The following GLP1R variants were observed in gnomAD, a reference collection of about 807,000 sequenced individuals.
GLP1R encodes the protein glucagon-like peptide 1 receptor.
GLP1R carries 32 observed loss-of-function variants against 68.4 expected under a neutral mutation model. The observed-to-expected ratio is 0.47, with a 90% confidence interval of 0.35 to 0.63. The LOEUF is 0.63. Ranked by LOEUF, GLP1R falls within the 20% of genes least tolerant of loss-of-function variation. GLP1R has a pLI of 0.00. For synonymous variants in GLP1R, 263 were observed against 244.4 expected, an observed-to-expected ratio of 1.08 and a Z score of -0.71; for missense variants, 502 against 594.9, an observed-to-expected ratio of 0.84 and a Z score of 1.62.
rs199745579 is a variant in GLP1R, at chr6:39,072,946, C to T, written c.594C>T (p.Asp198=). ...GAGCATTGTCCGTCTTCATCAAGGACGCAGCCCTGAAGTGGATGTATAGCA... is the reference window on the plus strand; with the variant it reads ...GAGCATTGTCCGTCTTCATCAAGGATGCAGCCCTGAAGTGGATGTATAGCA... ...ILRALSVFIK[D]AALKWMYSTA... The change falls in exon 6 of 13, where the codon GAC becomes GAT. Residue 198 remains aspartate, a synonymous_variant. Transcript: ENST00000373256. 3.0e-5 allele frequency: 48 copies of T among 1,613,924 alleles called. No homozygotes were observed. Among genetic ancestry groups the T allele is most frequent in the African/African-American group, 2.3e-4 (17 of 74,934 alleles).
chr6:39,082,992 T>C lies in GLP1R; in HGVS notation c.1224+2253T>C, dbSNP rs550541916. Among the ~76,000 whole-genome samples the C allele has an allele frequency of 5.3e-5, 8 of 152,154 alleles. No homozygotes were observed. The South Asian group carries it at 1.2e-3, about 24-fold the overall frequency. On this transcript the variant is annotated intron_variant, in intron 12 of 12. Coordinates refer to ENST00000373256, the MANE Select transcript of GLP1R (RefSeq NM_002062.5). Reference sequence around the variant, plus strand: ...GGCTCAGCTGCCTCTCCAGATTCCATCCTTCCAAGCCTAGTCATCTCATCA... The same window carrying C: ...GGCTCAGCTGCCTCTCCAGATTCCACCCTTCCAAGCCTAGTCATCTCATCA...
intron 4 of GLP1R, 64 bp downstream of exon 4, chr6:39,065,893 G>A (rs1209649431): frequency 1.1e-5 from 11 of 981,968 alleles, no homozygotes; most frequent in Non-Finnish European, 1.8e-5. Context: ...CTTCACTGGA[G>A]CAAAGACCCT....
intron 12 of GLP1R, among the ~76,000 whole-genome samples, chr6:39,082,221 C>T (rs1174204925): frequency 6.6e-6 from 1 of 152,166 alleles, no homozygotes; most frequent in African/African-American, 2.4e-5. Flanking sequence ...GGGAGGGAAA[C>T]CAAGGTCTCT....
chr6:39,061,395 T>TC (rs1009290647), intron 3 of GLP1R, among the ~76,000 whole-genome samples: 32 of 152,334 alleles, frequency 2.1e-4, no homozygotes, highest in African/African-American at 7.7e-4. Flanking sequence ...CTACACCTCC[T>TC]CCTGATCCCT....
chr6:39,078,321 G>A lies in GLP1R; in HGVS notation c.824-1G>A. ...CCCTTCTGTCTTTCCCTCTCTCTTAGGTGTTCCCCTGCTGTTTGTTGTCCC... is the reference window on the plus strand; with the variant it reads ...CCCTTCTGTCTTTCCCTCTCTCTTAAGTGTTCCCCTGCTGTTTGTTGTCCC... On this transcript the variant is annotated splice_acceptor_variant, in intron 7 of 12. Coordinates refer to ENST00000373256, the MANE Select transcript of GLP1R (RefSeq NM_002062.5). LOFTEE classifies it high-confidence loss of function. 6.2e-7 allele frequency: 1 copy of A among 1,610,170 alleles called. No homozygotes were observed. The highest frequency in any genetic ancestry group is 8.5e-7 in the Non-Finnish European group (1 of 1,176,452).
intron 1 of GLP1R, among the ~76,000 whole-genome samples, chr6:39,050,300 C>T (rs975289261): frequency 6.6e-6 from 1 of 152,162 alleles, no homozygotes; most frequent in African/African-American, 2.4e-5. Flanking sequence ...CCTCCTCTTA[C>T]GGACTGGGTT....
At chr6:39,056,315 G>A (rs1768211967) in intron 1 of GLP1R, 82 bp from the exon 2 acceptor site, 2 of 696,668 alleles carry the variant, frequency 2.9e-6, no homozygotes, top group East Asian at 2.6e-5. Flanking sequence ...TGGAGATTGA[G>A]AAACCAAGTG....
chr6:39,073,839 T>G (rs577867334), intron 7 of GLP1R, 70 bp downstream of exon 7: 1 of 1,425,068 alleles, frequency 7.0e-7, no homozygotes, highest in Non-Finnish European at 9.8e-7. Flanking sequence ...TCTTCTAACA[T>G]GGTACTTGGA....
chr6:39,072,916 C>A lies in GLP1R; in HGVS notation c.564C>A (p.Ile188=). ...ACCTGAACCTGTTTGCATCCTTCAT[C>A]CTGCGAGCATTGTCCGTCTTCATCA... The part of the protein sequence containing the change: ...YIHLNLFASF[I]LRALSVFIKD... Residue 188 remains isoleucine, a synonymous_variant, in exon 6 of 13, where the codon ATC becomes ATA. Transcript: ENST00000373256. The A allele has an allele frequency of 1.2e-6, 2 of 1,614,054 alleles. No homozygotes were observed. Among genetic ancestry groups the A allele is most frequent in the Non-Finnish European group, 1.7e-6 (2 of 1,179,902 alleles).
At chr6:39,084,235 G>A (rs1769087669) in intron 12 of GLP1R, among the ~76,000 whole-genome samples, 2 of 152,146 alleles carry the variant, frequency 1.3e-5, no homozygotes, top group South Asian at 2.1e-4. Flanking sequence ...TACTTTGCAG[G>A]GTTGATGTGA....
chr6:39,059,391 G>GGT (rs1583620417), intron 3 of GLP1R, among the ~76,000 whole-genome samples: 2 of 151,984 alleles, frequency 1.3e-5, no homozygotes, highest in Admixed American at 6.6e-5. Flanking sequence ...CTTCCTTGGG[G>GGT]GTGTGTGTGT....
chr6:39,085,861 T>G, intron 12 of GLP1R, 45 bp from the exon 13 acceptor site: 1 of 1,593,710 alleles, frequency 6.3e-7, no homozygotes, highest in Non-Finnish European at 8.6e-7. Context: ...TTGTTAGCCA[T>G]TGGTTTGCAT....
chr6:39,089,816 C>T lies in GLP1R; in HGVS notation c.*3743C>T, dbSNP rs774954186. On this transcript the variant is annotated 3_prime_UTR_variant, in exon 13 of 13. Transcript: ENST00000373256. This position sits in a 1 kb window ranked among gnomAD's most constrained non-coding sequence, Gnocchi z 4.1. The stretch of plus-strand genomic sequence containing the variant: ...TCCCATTATTTGCTAATGCCTGCGA[C>T]GTGCTCAGGGAAGGCAAAATCTATT... Among the ~76,000 whole-genome samples, 4 of 152,166 alleles carry T rather than the reference C, an allele frequency of 2.6e-5. No individual in the cohort carries two copies. The highest frequency in any genetic ancestry group is 4.8e-5 in the African/African-American group (2 of 41,426).
chr6:39,074,912 G>T (rs1768773768), intron 7 of GLP1R, among the ~76,000 whole-genome samples: 1 of 152,136 alleles, frequency 6.6e-6, no homozygotes, highest in Non-Finnish European at 1.5e-5. Context: ...TTTTACTGGT[G>T]TTCCTCAGCC....
chr6:39,057,365 G>A, intron 2 of GLP1R, 107 bp from the exon 3 acceptor site: 1 of 719,910 alleles, frequency 1.4e-6, no homozygotes, highest in Non-Finnish European at 2.5e-6. Flanking sequence ...TTCAGCAGAG[G>A]TTAGTGGCAT....
In GLP1R at chr6:39,086,202, C is replaced by CACACAT. The variant is rs1422490672; in HGVS notation, c.*132_*133insCATACA. ...ACACACACACACACACACACACACA[C>CACACAT]ACATACATCCTGCTTTCCCTCCCCA... On this transcript the variant is annotated 3_prime_UTR_variant, in exon 13 of 13. Transcript: ENST00000373256. The surrounding 1 kb of genome is among the most constrained non-coding windows in gnomAD (Gnocchi z 4.5). 1.0e-5 allele frequency: 5 copies of CACACAT among 493,112 alleles called. No individual in the cohort carries two copies. The highest frequency in any genetic ancestry group is 9.7e-5 in the African/African-American group (5 of 51,580). 30.5% of individuals were successfully genotyped at this position (493,112 alleles called of 1,614,324 possible).
Position 39,078,335 on chromosome 6 carries a change from G to A in GLP1R, c.837G>A (p.Leu279=), listed in dbSNP as rs200010685. The change falls in exon 8 of 13, where the codon CTG becomes CTA. Residue 279 remains leucine (L), a synonymous_variant. Coordinates refer to ENST00000373256, the MANE Select transcript of GLP1R (RefSeq NM_002062.5). The stretch of plus-strand genomic sequence containing the variant: ...CCTCTCTCTTAGGTGTTCCCCTGCT[G>A]TTTGTTGTCCCCTGGGGCATTGTCA... ...YVSIGWGVPL[L]FVVPWGIVKY... is the part of the protein sequence containing the mutation. The A allele has an allele frequency of 1.4e-5, 22 of 1,612,518 alleles. No homozygotes were observed. Among genetic ancestry groups the A allele is most frequent in the South Asian group, 5.5e-5 (5 of 91,028 alleles).
Position 39,057,575 on chromosome 6 carries a change from C to T in GLP1R, c.279C>T (p.Ser93=). 2 of 1,585,700 alleles carry T rather than the reference C, an allele frequency of 1.3e-6. No individual in the cohort carries two copies. Among genetic ancestry groups the T allele is most frequent in the South Asian group, 1.1e-5 (1 of 89,222 alleles). The stretch of plus-strand genomic sequence containing the variant: ...GCCCCTGGTACCTGCCCTGGGCCAG[C>T]AGTGGTGAGCCCCCTCCCCGACCTG... ...VSCPWYLPWA[S]SVPQGHVYRF... Residue 93 remains serine, a synonymous_variant, in exon 3 of 13, where the codon AGC becomes AGT. Transcript: ENST00000373256.
At chr6:39,070,809 A>G (rs552714618) in intron 5 of GLP1R, among the ~76,000 whole-genome samples, 1 of 151,626 alleles carries the variant, frequency 6.6e-6, no homozygotes, top group Non-Finnish European at 1.5e-5. Flanking sequence ...TTACATATTC[A>G]TTATATATTC....
Sources: allele counts gnomAD v4.1 joint callset (sites outside exome capture counted in the v4.1 genomes callset), GRCh38; gene constraint gnomAD v4.1.1; non-coding constraint Gnocchi (gnomAD v3.1); transcripts MANE v1.5; gene names NCBI Gene and HGNC (gene_info 2026-07-23, HGNC 2026-07-21).